The following ZNF496 variants were observed in gnomAD, a reference collection of about 807,000 sequenced individuals.
ZNF496 encodes NSD1 (nuclear receptor binding SET-domain containing 1)-interacting zinc finger protein 1.
A neutral mutation model predicts 58.9 loss-of-function variants in ZNF496; 11 were observed. The ratio of observed to expected loss-of-function variants is 0.19; its 90% CI spans 0.12 to 0.31. ZNF496 has a LOEUF of 0.31. Among genes scored for constraint, ZNF496 ranks in the 10% least tolerant of loss-of-function variants. The probability of loss-of-function intolerance (pLI) is 1.00; values close to 1 mark genes in which losing one functional copy is unlikely to be tolerated. For missense variants in ZNF496, 660 were observed against 783.0 expected, an observed-to-expected ratio of 0.84 and a Z score of 1.88; for synonymous variants, 338 against 318.2, an observed-to-expected ratio of 1.06 and a Z score of -0.66.
chr1:247,301,191 G>A lies in ZNF496; in HGVS notation c.1092C>T (p.Asp364=). The A allele has an allele frequency of 6.3e-7, 1 of 1,585,848 alleles. No individual in the cohort carries two copies. Among genetic ancestry groups the A allele is most frequent in the Non-Finnish European group, 8.6e-7 (1 of 1,163,710 alleles). Residue 364 remains aspartate (D), a synonymous_variant, in exon 10 of 10, where the codon GAC becomes GAT. Transcript: ENST00000682384. ...CTGTGCAGTACGGGCCATGCTGGGAGTCCTCGTCCCCAGAGCTGGAGAGAA... is the reference window on the plus strand; with the variant it reads ...CTGTGCAGTACGGGCCATGCTGGGAATCCTCGTCCCCAGAGCTGGAGAGAA... ...EIVLSSSGDE[D]SQHGPYCTEE...
chr1:247,311,603 A>C (rs1347752391), intron 6 of ZNF496: 1 of 152,222 alleles, frequency 6.6e-6, no homozygotes, highest in Non-Finnish European at 1.5e-5. Context: ...CTTGAGAATA[A>C]TCTGCAGAAT....
chr1:247,303,795 TTCTG>T (rs907073463), intron 9 of ZNF496, among the ~76,000 whole-genome samples: 2 of 152,092 alleles, frequency 1.3e-5, no homozygotes, highest in African/African-American at 4.8e-5. Flanking sequence ...ATTTGGAAAA[TTCTG>T]TCTATCCATA....
chr1:247,317,722 G>A (rs2103026353), intron 6 of ZNF496, among the ~76,000 whole-genome samples: 1 of 152,308 alleles, frequency 6.6e-6, no homozygotes, highest in Non-Finnish European at 1.5e-5. Context: ...TGGCCCACCT[G>A]CCCTTCTCTT....
intron 9 of ZNF496, among the ~76,000 whole-genome samples, chr1:247,302,449 C>A (rs1029424921): frequency 6.7e-6 from 1 of 150,086 alleles, no homozygotes; most frequent in African/African-American, 2.5e-5. Flanking sequence ...GGAGGGAAAT[C>A]ATCAGATGAA....
At chr1:247,322,605 A>C (rs1659996720) in intron 6 of ZNF496, 2 of 681,818 alleles carry the variant, frequency 2.9e-6, no homozygotes, top group Non-Finnish European at 4.4e-6. Context: ...ACCAGCCCCC[A>C]GCCCTGACTC....
chr1:247,317,002 G>GTT (rs1472396009), intron 6 of ZNF496, among the ~76,000 whole-genome samples: 1 of 152,214 alleles, frequency 6.6e-6, no homozygotes, highest in East Asian at 1.9e-4. Flanking sequence ...CTGGGGATGA[G>GTT]TGGTATCTTT....
At chr1:247,305,043 A>C (rs1659367269) in intron 9 of ZNF496, among the ~76,000 whole-genome samples, 1 of 152,194 alleles carries the variant, frequency 6.6e-6, no homozygotes, top group Admixed American at 6.5e-5. Context: ...GTGTTGTCCC[A>C]AAATTTCATG....
chr1:247,325,299 T>C (rs1363641330), intron 5 of ZNF496, among the ~76,000 whole-genome samples: 1 of 152,220 alleles, frequency 6.6e-6, no homozygotes, highest in East Asian at 1.9e-4. Context: ...GGCGTAGATT[T>C]GAGGAGGTGG....
In ZNF496 at chr1:247,329,227, C is replaced by T. The variant is rs1397697428; in HGVS notation, c.352G>A (p.Glu118Lys). 4 of 1,613,566 alleles carry T rather than the reference C, an allele frequency of 2.5e-6. No individual in the cohort carries two copies. Among genetic ancestry groups the T allele is most frequent in the Non-Finnish European group, 3.4e-6 (4 of 1,180,020 alleles). ...ESGEQAVAAV[E>K]ALEREPGRPW... ...CTCCCGGGCTCCCGTTCCAGTGCCTCCACCGCGGCCACAGCCTGCTCTCCG... is the reference window on the plus strand; with the variant it reads ...CTCCCGGGCTCCCGTTCCAGTGCCTTCACCGCGGCCACAGCCTGCTCTCCG... Residue 118 changes from glutamate (E) to lysine (K), a missense_variant, in exon 4 of 10, where the codon GAG becomes AAG. Transcript: ENST00000682384. The surrounding 1 kb of genome is among the most constrained non-coding windows in gnomAD (Gnocchi z 5.5).
chr1:247,311,413 CAA>C (rs1558152264), intron 6 of ZNF496: 1 of 115,600 alleles, frequency 8.7e-6, no homozygotes, highest in Non-Finnish European at 1.7e-5. Context: ...AAAAAAAAAA[CAA>C]AACACACACA....
rs1383738582 is a variant in ZNF496 at position 247,300,956 on chromosome 1, G to A, written c.1327C>T (p.Leu443=). 75 of 1,613,832 alleles carry A rather than the reference G, an allele frequency of 4.6e-5. No individual in the cohort carries two copies. The highest frequency in any genetic ancestry group is 6.0e-5 in the Non-Finnish European group (71 of 1,180,056). The change falls in exon 10 of 10, where the codon CTG becomes TTG. Residue 443 remains leucine (L), a synonymous_variant. Coordinates refer to ENST00000682384, the MANE Select transcript of ZNF496 (RefSeq NM_032752.3). The surrounding 1 kb of genome is among the most constrained non-coding windows in gnomAD (Gnocchi z 5.7). The part of the protein sequence containing the change: ...KPHECSVCGE[L]FSDSEDLDGH... ...TCCAGGTCCTCGCTGTCGCTGAACA[G>A]CTCCCCGCACACCGAGCACTCGTGC...
intron 6 of ZNF496, among the ~76,000 whole-genome samples, chr1:247,317,175 A>AGGGTGGAGAG (rs1461376863): frequency 6.6e-6 from 1 of 152,170 alleles, no homozygotes; most frequent in East Asian, 1.9e-4. Flanking sequence ...GGAGACTCTG[A>AGGGTGGAGAG]AAGGTGGAGA....
At chr1:247,317,420 C>T (rs1404565704) in intron 6 of ZNF496, among the ~76,000 whole-genome samples, 1 of 152,144 alleles carries the variant, frequency 6.6e-6, no homozygotes, top group Non-Finnish European at 1.5e-5. Flanking sequence ...AACTGTGGCC[C>T]CTTCTTACCA....
At position 247,309,873 on chromosome 1, in the gene ZNF496, C is replaced by A; in HGVS notation, c.785-67G>T. ...TGATCCTGCAGCAACCAGGGCTGGT[C>A]CAGAAGAGAGAAGGCGGAGGGATGC... On this transcript the variant is annotated intron_variant, in intron 7 of 9. Transcript: ENST00000682384. The surrounding 1 kb of genome is among the most constrained non-coding windows in gnomAD (Gnocchi z 4.3). The A allele has an allele frequency of 6.4e-7, 1 of 1,568,066 alleles. No homozygotes were observed. Among genetic ancestry groups the A allele is most frequent in the Non-Finnish European group, 8.7e-7 (1 of 1,146,868 alleles).
intron 5 of ZNF496, 127 bp downstream of exon 5, chr1:247,328,556 G>A: frequency 1.0e-6 from 1 of 998,820 alleles, no homozygotes; most frequent in Non-Finnish European, 1.4e-6. Context: ...ACAGCTCACA[G>A]CACCTCGGGG....
At chr1:247,310,112 T>C in intron 7 of ZNF496, 1 of 1,432,390 alleles carries the variant, frequency 7.0e-7, no homozygotes, top group Non-Finnish European at 9.1e-7. Flanking sequence ...ATAAGCCTGA[T>C]GTGGCGAGAC....
At position 247,327,306 on chromosome 1, in the gene ZNF496, C is replaced by T. The variant is rs535167581; in HGVS notation, c.574+1377G>A. On this transcript the variant is annotated intron_variant, in intron 5 of 9. Coordinates refer to ENST00000682384, the MANE Select transcript of ZNF496 (RefSeq NM_032752.3). ...CTCGAACTCCTGACCTCAGGTGATCCGCCCGCCTTGGCCTCCCAAAGTGCT... is the reference window on the plus strand; with the variant it reads ...CTCGAACTCCTGACCTCAGGTGATCTGCCCGCCTTGGCCTCCCAAAGTGCT... Among the ~76,000 whole-genome samples, 8 of 152,292 alleles carry T rather than the reference C, an allele frequency of 5.3e-5. No individual in the cohort carries two copies. The South Asian group carries it at 1.0e-3, about 20-fold the overall frequency.
intron 5 of ZNF496, among the ~76,000 whole-genome samples, chr1:247,327,311 G>A (rs959985185): frequency 2.0e-5 from 3 of 152,146 alleles, no homozygotes; most frequent in Non-Finnish European, 2.9e-5. Flanking sequence ...TGATCCGCCC[G>A]CCTTGGCCTC....
chr1:247,322,561 G>A, intron 6 of ZNF496: 1 of 395,534 alleles, frequency 2.5e-6, no homozygotes, highest in East Asian at 7.4e-5. Flanking sequence ...GACAGCAACT[G>A]GGCTAGAGAG....
Sources: allele counts gnomAD v4.1 joint callset (sites outside exome capture counted in the v4.1 genomes callset), GRCh38; gene constraint gnomAD v4.1.1; non-coding constraint Gnocchi (gnomAD v3.1); transcripts MANE v1.5; gene names NCBI Gene and HGNC (gene_info 2026-07-23, HGNC 2026-07-21).